AGBL4: variants seen among roughly 807,000 people sequenced by gnomAD.
AGBL4 encodes AGBL carboxypeptidase 4.
In AGBL4, 58 loss-of-function variants were observed where a neutral mutation model predicts 66.4. The ratio of observed to expected loss-of-function variants is 0.87; its 90% CI spans 0.71 to 1.09. The LOEUF (loss-of-function observed/expected upper bound fraction) is 1.09, where lower values mean the gene tolerates loss of function less well. Among genes scored for constraint, AGBL4 ranks in the 50% least tolerant of loss-of-function variants. The probability of loss-of-function intolerance (pLI) is 0.00; values close to 1 mark genes in which losing one functional copy is unlikely to be tolerated. For synonymous variants in AGBL4, 234 were observed against 222.9 expected, an observed-to-expected ratio of 1.05 and a Z score of -0.44; for missense variants, 579 against 631.0, an observed-to-expected ratio of 0.92 and a Z score of 0.88.
chr1:49,850,368 G>A (rs1352349545), intron 2 of AGBL4, among the ~76,000 whole-genome samples: 1 of 152,074 alleles, frequency 6.6e-6, no homozygotes, highest in Non-Finnish European at 1.5e-5. Flanking sequence ...ATTCTTAGGG[G>A]GAACCAATCC....
chr1:49,809,212 T>C (rs1240591045), intron 2 of AGBL4, among the ~76,000 whole-genome samples: 4 of 151,992 alleles, frequency 2.6e-5, no homozygotes, highest in Non-Finnish European at 5.9e-5. Context: ...AACATGCAGG[T>C]TTGTTACATA....
At chr1:48,703,689 C>T (rs1416232657) in intron 6 of AGBL4, among the ~76,000 whole-genome samples, 2 of 152,072 alleles carry the variant, frequency 1.3e-5, no homozygotes, top group African/African-American at 4.8e-5. Context: ...TATGTGAACA[C>T]ACAGGTAGGA....
intron 1 of AGBL4, among the ~76,000 whole-genome samples, chr1:49,871,853 C>G (rs2148113641): frequency 6.6e-6 from 1 of 152,094 alleles, no homozygotes; most frequent in Non-Finnish European, 1.5e-5. Context: ...TGTTCTAAGA[C>G]TTTTGTCATC....
At chr1:48,844,553 T>C (rs554842622) in intron 6 of AGBL4, among the ~76,000 whole-genome samples, 35 of 152,364 alleles carry the variant, frequency 2.3e-4, no homozygotes, top group African/African-American at 8.4e-4. Flanking sequence ...ATAAACACCT[T>C]ATTATTCCAG....
chr1:49,726,278 GT>G (rs1649027497), intron 2 of AGBL4, among the ~76,000 whole-genome samples: 1 of 152,144 alleles, frequency 6.6e-6, no homozygotes, highest in Non-Finnish European at 1.5e-5. Flanking sequence ...TTTTTAAGGT[GT>G]GGCTTAAGCA....
intron 6 of AGBL4, among the ~76,000 whole-genome samples, chr1:48,856,593 C>G (rs538470136): frequency 2.4e-4 from 37 of 152,198 alleles, no homozygotes; most frequent in Non-Finnish European, 5.3e-4. Context: ...TTCCCTTAGT[C>G]TCAGAAGGGC....
intron 2 of AGBL4, among the ~76,000 whole-genome samples, chr1:49,840,966 C>T (rs1263781798): frequency 3.3e-5 from 5 of 152,162 alleles, no homozygotes; most frequent in Non-Finnish European, 7.3e-5. Context: ...CCACTCTCAC[C>T]ACTCTTATTT....
intron 6 of AGBL4, among the ~76,000 whole-genome samples, chr1:48,664,100 A>T (rs1339416043): frequency 1.3e-5 from 2 of 152,226 alleles, no homozygotes; most frequent in Non-Finnish European, 2.9e-5. Flanking sequence ...TTGCCTGATG[A>T]TCCTTTCCAG....
At chr1:48,633,794 G>C (rs1166928623) in intron 9 of AGBL4, among the ~76,000 whole-genome samples, 1 of 152,152 alleles carries the variant, frequency 6.6e-6, no homozygotes, top group East Asian at 1.9e-4. Flanking sequence ...CTTGCCCCAG[G>C]GAGCAAACTT....
chr1:49,389,841 G>A (rs1644810633), intron 3 of AGBL4, among the ~76,000 whole-genome samples: 1 of 152,130 alleles, frequency 6.6e-6, no homozygotes, highest in Non-Finnish European at 1.5e-5. Context: ...CTTGGGAAAA[G>A]TGAATTATGT....
At chr1:48,610,255 C>T (rs1167322994) in intron 9 of AGBL4, among the ~76,000 whole-genome samples, 3 of 152,180 alleles carry the variant, frequency 2.0e-5, no homozygotes, top group African/African-American at 7.2e-5. Flanking sequence ...AGGATGGAAG[C>T]TGTGTCTAAC....
intron 6 of AGBL4, among the ~76,000 whole-genome samples, chr1:48,778,949 G>C (rs777534986): frequency 6.6e-6 from 1 of 152,050 alleles, no homozygotes; most frequent in African/African-American, 2.4e-5. Flanking sequence ...GCAGCTGTTG[G>C]TCTTATCTTG....
chr1:49,849,051 C>T (rs1646233627), intron 2 of AGBL4, among the ~76,000 whole-genome samples: 1 of 152,066 alleles, frequency 6.6e-6, no homozygotes, highest in Non-Finnish European at 1.5e-5. Flanking sequence ...GGGATGAGTT[C>T]AGGGATTCAA....
chr1:48,633,706 A>G (rs1191392191), intron 9 of AGBL4, among the ~76,000 whole-genome samples: 2 of 152,222 alleles, frequency 1.3e-5, no homozygotes, highest in African/African-American at 2.4e-5. Flanking sequence ...AGCTCTTCAG[A>G]GACAGAATAC....
chr1:49,494,434 C>A (rs1317472110), intron 3 of AGBL4, among the ~76,000 whole-genome samples: 1 of 151,952 alleles, frequency 6.6e-6, no homozygotes, highest in Non-Finnish European at 1.5e-5. Context: ...TCTCCCCGCA[C>A]CCCACAACGT....
intron 3 of AGBL4, among the ~76,000 whole-genome samples, chr1:49,435,014 CCTT>C (rs1250388635): frequency 6.6e-6 from 1 of 151,994 alleles, no homozygotes; most frequent in Non-Finnish European, 1.5e-5. Context: ...TTAGCTGTCT[CCTT>C]CTCATCCTTC....
intron 10 of AGBL4, among the ~76,000 whole-genome samples, chr1:48,590,273 G>A (rs1447679569): frequency 6.6e-6 from 1 of 152,066 alleles, no homozygotes; most frequent in Non-Finnish European, 1.5e-5. Flanking sequence ...GGGTGTGGTG[G>A]CGCATGCCTG....
intron 4 of AGBL4, among the ~76,000 whole-genome samples, chr1:49,098,968 G>A (rs567396043): frequency 2.6e-5 from 4 of 152,150 alleles, no homozygotes; most frequent in South Asian, 2.1e-4. Context: ...TATAATTTCC[G>A]GCACGAGGTC....
intron 11 of AGBL4, among the ~76,000 whole-genome samples, chr1:48,549,654 A>G (rs1186367077): frequency 6.6e-6 from 1 of 152,106 alleles, no homozygotes; most frequent in Non-Finnish European, 1.5e-5. Context: ...AGATAAGGAG[A>G]GAAGGATAAT....
Sources: allele counts gnomAD v4.1 joint callset (sites outside exome capture counted in the v4.1 genomes callset), GRCh38; gene constraint gnomAD v4.1.1; transcripts MANE v1.5; gene names NCBI Gene and HGNC (gene_info 2026-07-23, HGNC 2026-07-21).